The following IREB2 variants were observed in gnomAD, a reference collection of about 807,000 sequenced individuals.
The protein encoded by IREB2 is iron-responsive element-binding protein 2.
Under a neutral mutation model 118.8 loss-of-function variants are expected in IREB2, and 39 were observed. The observed-to-expected ratio is 0.33, with a 90% CI of 0.25 to 0.43. IREB2 has a LOEUF of 0.43. IREB2 is among the 20% of genes least tolerant of loss of function. The probability of loss-of-function intolerance (pLI) is 1.00; values close to 1 mark genes in which losing one functional copy is unlikely to be tolerated. For missense variants in IREB2, 900 were observed against 1,147.3 expected, an observed-to-expected ratio of 0.78 and a Z score of 3.11; for synonymous variants, 372 against 392.2, an observed-to-expected ratio of 0.95 and a Z score of 0.61.
rs1049587373 is a variant in IREB2, at chr15:78,494,065, G to T, written c.2472+9G>T. ...TTCCATCAGGACAGACGGTGAGAAT[G>T]CAAACAAAGTATTTAGACAATTTAT... On this transcript the variant is annotated intron_variant, in intron 19 of 21. Transcript: ENST00000258886. 3 of 1,613,526 alleles carry T rather than the reference G, an allele frequency of 1.9e-6. No homozygotes were observed. In the African/African-American group the frequency reaches 4.0e-5, roughly 22 times the overall value.
intron 11 of IREB2, among the ~76,000 whole-genome samples, chr15:78,484,179 C>T (rs925611880): frequency 6.6e-6 from 1 of 151,964 alleles, no homozygotes; most frequent in African/African-American, 2.4e-5. Flanking sequence ...CAGTTTTAGT[C>T]TTGTCACTTT....
intron 16 of IREB2, among the ~76,000 whole-genome samples, chr15:78,489,349 A>G (rs1301721854): frequency 6.6e-6 from 1 of 152,194 alleles, no homozygotes; most frequent in Non-Finnish European, 1.5e-5. Context: ...CATCCCGCAT[A>G]TGTACCCCAG....
At chr15:78,462,594 CTTTT>C (rs1033720991) in intron 2 of IREB2, among the ~76,000 whole-genome samples, 1 of 151,774 alleles carries the variant, frequency 6.6e-6, no homozygotes, top group Non-Finnish European at 1.5e-5. Flanking sequence ...ATATTCTGTG[CTTTT>C]TTTTAGTTTT....
Position 78,463,000 on chromosome 15 carries a change from A to G in IREB2, c.185A>G (p.Asp62Gly). 1.2e-6 allele frequency: 2 copies of G among 1,613,726 alleles called. No individual in the cohort carries two copies. The highest frequency in any genetic ancestry group is 1.7e-6 in the Non-Finnish European group (2 of 1,179,794). The change falls in exon 3 of 22, where the codon GAT (aspartate) becomes GGT (glycine). Residue 62 changes from aspartate to glycine, a missense_variant. Coordinates refer to ENST00000258886, the MANE Select transcript of IREB2 (RefSeq NM_004136.4). ...NCDGFLMKKE[D>G]VMNILDWKTK... ...GATGGCTTTTTAATGAAGAAGGAAG[A>G]TGTTATGAACATTTTAGACTGGAAA... is the stretch of plus-strand genomic sequence containing the variant.
At chr15:78,485,522 G>A (rs534877519) in intron 12 of IREB2, among the ~76,000 whole-genome samples, 183 bp from the exon 13 acceptor site, 1 of 152,316 alleles carries the variant, frequency 6.6e-6, no homozygotes, top group African/African-American at 2.4e-5. Context: ...CATAAAGGCT[G>A]TAATTTTAAA....
intron 16 of IREB2, among the ~76,000 whole-genome samples, chr15:78,489,351 G>A (rs2051712221): frequency 6.6e-6 from 1 of 152,084 alleles, no homozygotes; most frequent in Non-Finnish European, 1.5e-5. Context: ...TCCCGCATAT[G>A]TACCCCAGAA....
intron 2 of IREB2, among the ~76,000 whole-genome samples, chr15:78,448,693 C>A (rs1229742245): frequency 6.6e-6 from 1 of 152,138 alleles, no homozygotes; most frequent in African/African-American, 2.4e-5. Flanking sequence ...TTCTCCAGGC[C>A]CCTAGCCTTC....
chr15:78,461,899 C>G (rs1043314928), intron 2 of IREB2, among the ~76,000 whole-genome samples: 1 of 152,058 alleles, frequency 6.6e-6, no homozygotes, highest in Non-Finnish European at 1.5e-5. Flanking sequence ...TTTGTGATAC[C>G]TTTTTGTACC....
intron 9 of IREB2, among the ~76,000 whole-genome samples, 194 bp from the exon 10 acceptor site, chr15:78,478,103 A>T (rs1489517367): frequency 1.3e-5 from 2 of 151,464 alleles, no homozygotes; most frequent in East Asian, 3.9e-4. Context: ...AAAAAAATTA[A>T]CCAGGCACGG....
At chr15:78,457,543 T>G (rs974785810) in intron 2 of IREB2, among the ~76,000 whole-genome samples, 3 of 152,190 alleles carry the variant, frequency 2.0e-5, no homozygotes, top group Non-Finnish European at 4.4e-5. Flanking sequence ...TGAAGGCATT[T>G]TTCCATTGTC....
chr15:78,476,390 A>T, intron 9 of IREB2, 31 bp downstream of exon 9: 2 of 1,422,796 alleles, frequency 1.4e-6, no homozygotes, highest in Non-Finnish European at 1.9e-6. Context: ...TAGAATAAAC[A>T]TGTTACATTT....
At chr15:78,477,916 G>GT (rs2051498357) in intron 9 of IREB2, among the ~76,000 whole-genome samples, 1 of 151,810 alleles carries the variant, frequency 6.6e-6, no homozygotes, top group African/African-American at 2.4e-5. Flanking sequence ...GTGAGACCCT[G>GT]TTTCTAAAAA....
rs1406531253 is a variant in IREB2 at position 78,498,194 on chromosome 15, G to A, written c.*51G>A. 1 of 1,012,648 alleles carries A rather than the reference G, an allele frequency of 9.9e-7. No individual in the cohort carries two copies. The allele number at this position is 1,012,648 out of a possible 1,614,324, so 62.7% of individuals were successfully genotyped here. On this transcript the variant is annotated 3_prime_UTR_variant, in exon 22 of 22. Transcript: ENST00000258886. Reference sequence around the variant, plus strand: ...ATAACTGGTAACTGCAAAGCCTTTTGTGCTGGACCCAGGAATCCTTACCAT... The same window carrying A: ...ATAACTGGTAACTGCAAAGCCTTTTATGCTGGACCCAGGAATCCTTACCAT...
Position 78,498,356 on chromosome 15 carries a change from A to C in IREB2, c.*213A>C. 1 of 331,116 alleles carries C rather than the reference A, an allele frequency of 3.0e-6. No individual in the cohort carries two copies. The highest frequency in any genetic ancestry group is 5.2e-5 in the East Asian group (1 of 19,372). The allele number at this position is 331,116 out of a possible 1,614,324, so 20.5% of individuals were successfully genotyped here. ...TGGTGCTATTAATATTGCTAAAATC[A>C]ACGTGTGAAGTGTGTTGTGGAAGAG... On this transcript the variant is annotated 3_prime_UTR_variant, in exon 22 of 22. Transcript: ENST00000258886.
chr15:78,487,129 G>C (rs2051674270), intron 13 of IREB2, among the ~76,000 whole-genome samples: 1 of 152,150 alleles, frequency 6.6e-6, no homozygotes. Flanking sequence ...TTTATTGTCA[G>C]AGACTCTTCT....
intron 14 of IREB2, 53 bp from the exon 15 acceptor site, chr15:78,488,127 T>C (rs990696477): frequency 6.5e-7 from 1 of 1,527,822 alleles, no homozygotes; most frequent in African/African-American, 1.4e-5. Context: ...TATCCAGATT[T>C]GTACCATCTC....
At chr15:78,444,983 A>G (rs1468103722) in intron 2 of IREB2, among the ~76,000 whole-genome samples, 1 of 152,136 alleles carries the variant, frequency 6.6e-6, no homozygotes, top group Non-Finnish European at 1.5e-5. Context: ...ACTTTTCTCT[A>G]TTTATAAATA....
chr15:78,450,892 A>ATGGTG lies in IREB2; in HGVS notation c.106+11013_106+11017dup, dbSNP rs2051015278. ...TGTGTGTATTTTAATATACAATGTA[A>ATGGTG]TGGTGTCCACCTTTGGAAGTTCTGC... On this transcript the variant is annotated intron_variant, in intron 2 of 21. Coordinates refer to ENST00000258886, the MANE Select transcript of IREB2 (RefSeq NM_004136.4). 2.0e-5 allele frequency among the ~76,000 whole-genome samples: 3 copies of ATGGTG among 146,562 alleles called. No individual in the cohort carries two copies. In the Admixed American group the frequency reaches 2.1e-4, roughly 10 times the overall value.
rs557879842 is a variant in IREB2, at chr15:78,439,759, T to C, written c.20-36T>C. On this transcript the variant is annotated intron_variant, in intron 1 of 21. Coordinates refer to ENST00000258886, the MANE Select transcript of IREB2 (RefSeq NM_004136.4). ...ATTTTCAGCTGAATAAAATATTTTG[T>C]TGCTGCATTTAATGAAAATACAATT... The C allele has an allele frequency of 3.2e-5, 36 of 1,127,238 alleles. No individual in the cohort carries two copies. In the South Asian group the frequency reaches 4.5e-4, roughly 14 times the overall value. 69.8% of individuals were successfully genotyped at this position (1,127,238 alleles called of 1,614,324 possible).
Sources: allele counts gnomAD v4.1 joint callset (sites outside exome capture counted in the v4.1 genomes callset), GRCh38; gene constraint gnomAD v4.1.1; transcripts MANE v1.5; gene names NCBI Gene and HGNC (gene_info 2026-07-23, HGNC 2026-07-21).